PTPRT: variants seen among roughly 807,000 people sequenced by gnomAD.
The protein encoded by PTPRT is receptor-type tyrosine-protein phosphatase T.
PTPRT carries 56 observed loss-of-function variants against 176.8 expected under a neutral mutation model. That is an observed-to-expected ratio of 0.32 (90% CI 0.26 to 0.40). The LOEUF (loss-of-function observed/expected upper bound fraction) is 0.40, where lower values mean the gene tolerates loss of function less well. Ranked by LOEUF, PTPRT falls within the 10% of genes least tolerant of loss-of-function variation. The pLI is 1.00. For synonymous variants in PTPRT, 783 were observed against 739.0 expected, an observed-to-expected ratio of 1.06 and a Z score of -0.96; for missense variants, 1,540 against 1,908.2, an observed-to-expected ratio of 0.81 and a Z score of 3.60.
chr20:42,217,543 G>A (rs768848543), intron 15 of PTPRT, among the ~76,000 whole-genome samples: 2 of 152,088 alleles, frequency 1.3e-5, no homozygotes, highest in Non-Finnish European at 2.9e-5. Flanking sequence ...TAATAAGAAG[G>A]AAAATATACA....
chr20:42,826,052 C>T (rs967029436), intron 2 of PTPRT, among the ~76,000 whole-genome samples: 4 of 152,002 alleles, frequency 2.6e-5, no homozygotes, highest in Non-Finnish European at 5.9e-5. Context: ...TTCTCAATAC[C>T]TACATAAGAC....
intron 7 of PTPRT, among the ~76,000 whole-genome samples, chr20:42,524,403 C>T (rs149950357): frequency 6.6e-6 from 1 of 152,142 alleles, no homozygotes; most frequent in Admixed American, 6.5e-5. Context: ...TACTATCAAC[C>T]ATGTATGCAA....
At chr20:42,109,946 CAGGAAGAGG>C (rs1055130773) in intron 23 of PTPRT, among the ~76,000 whole-genome samples, 2 of 152,006 alleles carry the variant, frequency 1.3e-5, no homozygotes. Flanking sequence ...GGGGGGGACA[CAGGAAGAGG>C]AGTCTCTAAG....
intron 2 of PTPRT, among the ~76,000 whole-genome samples, chr20:42,823,854 A>T (rs1353556136): frequency 6.6e-6 from 1 of 152,054 alleles, no homozygotes; most frequent in Non-Finnish European, 1.5e-5. Flanking sequence ...TCCTGATGAT[A>T]TGATTGAATA....
intron 13 of PTPRT, among the ~76,000 whole-genome samples, chr20:42,256,808 AG>A (rs1164004190): frequency 8.5e-5 from 13 of 152,140 alleles, no homozygotes; most frequent in Non-Finnish European, 1.9e-4. Context: ...CCCAGACTGG[AG>A]AAACAAAAAG....
chr20:42,744,701 A>G (rs923469636), intron 6 of PTPRT, among the ~76,000 whole-genome samples: 18 of 152,204 alleles, frequency 1.2e-4, no homozygotes, highest in Admixed American at 4.6e-4. Flanking sequence ...TTTCCTCCAC[A>G]AGGTGATTCA....
chr20:42,362,581 T>A (rs1600892872), intron 9 of PTPRT, among the ~76,000 whole-genome samples: 1 of 152,016 alleles, frequency 6.6e-6, no homozygotes, highest in East Asian at 1.9e-4. Context: ...ACGGATAGGA[T>A]CCTGGACTGG....
intron 1 of PTPRT, among the ~76,000 whole-genome samples, chr20:43,048,331 G>C: frequency 6.6e-6 from 1 of 152,194 alleles, no homozygotes; most frequent in East Asian, 1.9e-4. Context: ...TGGCTGGGGA[G>C]ACTGTCAGGG....
chr20:42,803,125 A>G (rs142177338), intron 2 of PTPRT, among the ~76,000 whole-genome samples: 134 of 152,332 alleles, frequency 8.8e-4, no homozygotes, highest in Non-Finnish European at 1.6e-3. Context: ...CTGTCCACAG[A>G]GGCAGCGGGC....
At chr20:42,935,388 C>T (rs1980124511) in intron 1 of PTPRT, among the ~76,000 whole-genome samples, 2 of 151,980 alleles carry the variant, frequency 1.3e-5, no homozygotes, top group Admixed American at 1.3e-4. Context: ...AATCCTCCTG[C>T]CTTGGCGTCC....
intron 9 of PTPRT, among the ~76,000 whole-genome samples, chr20:42,407,248 C>A (rs747748915): frequency 1.3e-5 from 2 of 152,082 alleles, no homozygotes; most frequent in Admixed American, 6.5e-5. Context: ...TGAGGGGCCA[C>A]GGGGGAAGAG....
Position 42,128,792 on chromosome 20 carries a change from C to T in PTPRT, c.2809G>A (p.Asp937Asn). The T allele has an allele frequency of 6.2e-7, 1 of 1,607,982 alleles. No individual in the cohort carries two copies. Among genetic ancestry groups the T allele is most frequent in the Non-Finnish European group, 8.5e-7 (1 of 1,176,632 alleles). Reference sequence around the variant, plus strand: ...GCATTGATGTAGTCAGAGTGCGGGTCTCCATCCAGCACCAGCAGCCTCACC... The same window carrying T: ...GCATTGATGTAGTCAGAGTGCGGGTTTCCATCCAGCACCAGCAGCCTCACC... ...SRVRLLVLDG[D>N]PHSDYINANY... The change falls in exon 19 of 31, where the codon GAC (aspartate) becomes AAC (asparagine). Residue 937 changes from aspartate to asparagine, a missense_variant. By Grantham distance (23) the Asp-to-Asn change is conservative. Coordinates refer to ENST00000373187, the MANE Select transcript of PTPRT (RefSeq NM_007050.6).
intron 7 of PTPRT, among the ~76,000 whole-genome samples, chr20:42,528,621 T>C (rs2072321258): frequency 6.6e-6 from 1 of 152,126 alleles, no homozygotes; most frequent in East Asian, 1.9e-4. Flanking sequence ...GTATGTTACA[T>C]ACAATTCCAA....
At chr20:42,786,366 G>A (rs2077290990) in intron 3 of PTPRT, among the ~76,000 whole-genome samples, 1 of 152,166 alleles carries the variant, frequency 6.6e-6, no homozygotes, top group Non-Finnish European at 1.5e-5. Context: ...TCTGAATGAT[G>A]ACAGGATACA....
In PTPRT at chr20:42,260,349, T is replaced by C. The variant is rs952388122; in HGVS notation, c.2177-11527A>G. Among the ~76,000 whole-genome samples, 4 of 152,328 alleles carry C rather than the reference T, an allele frequency of 2.6e-5. No homozygotes were observed. In the South Asian group the frequency reaches 8.3e-4, roughly 32 times the overall value. ...GCTGACAGTACTGGCTCCTTGCTTA[T>C]AGAATCTGTGCTTTGAGCCTGGAGC... On this transcript the variant is annotated intron_variant, in intron 13 of 30. Transcript: ENST00000373187.
chr20:42,182,905 GGGGTGT>G (rs2146596214), intron 16 of PTPRT, among the ~76,000 whole-genome samples: 1 of 83,014 alleles, frequency 1.2e-5, no homozygotes, highest in African/African-American at 4.6e-5. Context: ...CCTACAAGCA[GGGGTGT>G]GTGTGTGTGT....
At chr20:42,822,514 C>A (rs1600791906) in intron 2 of PTPRT, among the ~76,000 whole-genome samples, 1 of 152,044 alleles carries the variant, frequency 6.6e-6, no homozygotes, top group Admixed American at 6.6e-5. Context: ...GACAAAAATG[C>A]CAAAAGCAAT....
At chr20:43,079,343 C>G (rs1425386961) in intron 1 of PTPRT, among the ~76,000 whole-genome samples, 5 of 152,042 alleles carry the variant, frequency 3.3e-5, no homozygotes, top group Non-Finnish European at 7.4e-5. Context: ...AAAATTCCCA[C>G]TTTGATCCAT....
intron 15 of PTPRT, among the ~76,000 whole-genome samples, chr20:42,205,564 T>C (rs973047826): frequency 7.2e-5 from 11 of 152,138 alleles, no homozygotes; most frequent in African/African-American, 1.7e-4. Flanking sequence ...TGCAAAACCC[T>C]TGACTCTCTT....
Sources: allele counts gnomAD v4.1 joint callset (sites outside exome capture counted in the v4.1 genomes callset), GRCh38; gene constraint gnomAD v4.1.1; transcripts MANE v1.5; gene names NCBI Gene and HGNC (gene_info 2026-07-23, HGNC 2026-07-21).